Variants in COPG2 observed in about 807,000 individuals in gnomAD.
COPG2 encodes coatomer subunit gamma-2.
In COPG2, 37 loss-of-function variants were observed where a neutral mutation model predicts 46.3. The ratio of observed to expected loss-of-function variants is 0.80; its 90% confidence interval spans 0.61 to 1.05. The LOEUF (loss-of-function observed/expected upper bound fraction) is 1.05. Among genes scored for constraint, COPG2 ranks in the 50% least tolerant of loss-of-function variants. The pLI is 0.00. For missense variants in COPG2, 427 were observed against 387.8 expected, an observed-to-expected ratio of 1.10 and a Z score of -0.85; for synonymous variants, 159 against 129.7, an observed-to-expected ratio of 1.23 and a Z score of -1.53.
intron 5 of COPG2, among the ~76,000 whole-genome samples, chr7:130,646,752 G>A (rs1056402134): frequency 6.6e-6 from 1 of 151,708 alleles, no homozygotes; most frequent in Non-Finnish European, 1.5e-5. Context: ...ATAAATGGCA[G>A]TTTTTGCTGT....
chr7:130,663,015 T>C lies in COPG2; in HGVS notation c.195A>G (p.Glu65=), dbSNP rs1554460980. The part of the protein sequence containing the change: ...LNQGEHFGTT[E]ATEAFFAMTR... ...TCATTGCAAAGAAGGCTTCTGTAGC[T>C]TCCGTTGTTCCAAAGTGTTCACCCT... The change falls in exon 4 of 24, where the codon GAA becomes GAG. Residue 65 remains glutamate, a synonymous_variant. Coordinates refer to ENST00000425248, the MANE Select transcript of COPG2 (RefSeq NM_012133.6). 1.3e-6 allele frequency: 2 copies of C among 1,546,646 alleles called. No homozygotes were observed. Among genetic ancestry groups the C allele is most frequent in the Non-Finnish European group, 1.7e-6 (2 of 1,147,970 alleles).
At chr7:130,658,375 G>A (rs1795898221) in intron 4 of COPG2, among the ~76,000 whole-genome samples, 1 of 152,114 alleles carries the variant, frequency 6.6e-6, no homozygotes, top group African/African-American at 2.4e-5. Context: ...ATTGCCAGGG[G>A]CTGAGGGAGG....
At chr7:130,518,960 G>A (rs1266295679) in intron 20 of COPG2, among the ~76,000 whole-genome samples, 2 of 148,248 alleles carry the variant, frequency 1.3e-5, no homozygotes, top group African/African-American at 5.0e-5. Context: ...GAGCCGAGAT[G>A]GCACCACTGC....
At chr7:130,591,261 G>A (rs868932319) in intron 9 of COPG2, among the ~76,000 whole-genome samples, 1 of 127,952 alleles carries the variant, frequency 7.8e-6, no homozygotes, top group African/African-American at 3.0e-5. Context: ...CCGTCCGGGA[G>A]GGAGGTGGGG....
intron 9 of COPG2, among the ~76,000 whole-genome samples, chr7:130,601,052 T>C (rs1276722226): frequency 3.3e-5 from 5 of 152,198 alleles, no homozygotes; most frequent in Non-Finnish European, 5.9e-5. Flanking sequence ...TGTGAGAACA[T>C]TCAGGCAGGA....
At position 130,508,671 on chromosome 7, in the gene COPG2, G is replaced by C; in HGVS notation, c.2150-12C>G. The C allele has an allele frequency of 1.3e-6, 1 of 749,294 alleles. No homozygotes were observed. Among genetic ancestry groups the C allele is most frequent in the Non-Finnish European group, 2.5e-6 (1 of 401,848 alleles). The allele number at this position is 749,294 out of a possible 1,614,324, so 46.4% of individuals were successfully genotyped here. A position where few individuals can be genotyped will look rare whatever the true frequency, so the allele number is the denominator to read the frequency against. ...AAAGGAGCCTGCAACTGGAGGAGAA[G>C]GGAGGCAAACCTGCATCAGTGGGGA... On this transcript the variant is annotated splice_polypyrimidine_tract_variant and intron_variant, in intron 20 of 23. Coordinates refer to ENST00000425248, the MANE Select transcript of COPG2 (RefSeq NM_012133.6).
At chr7:130,609,182 C>T (rs1397367243) in intron 9 of COPG2, among the ~76,000 whole-genome samples, 1 of 152,074 alleles carries the variant, frequency 6.6e-6, no homozygotes, top group Non-Finnish European at 1.5e-5. Context: ...CACCCAGCCC[C>T]TTTCATTCAT....
At chr7:130,528,104 G>A (rs1171231697) in intron 20 of COPG2, among the ~76,000 whole-genome samples, 8 of 152,040 alleles carry the variant, frequency 5.3e-5, no homozygotes, top group Admixed American at 5.2e-4. Context: ...GGACTGACAG[G>A]AGGACCCAGG....
At chr7:130,614,350 T>C (rs1794909673) in intron 6 of COPG2, among the ~76,000 whole-genome samples, 1 of 152,164 alleles carries the variant, frequency 6.6e-6, no homozygotes, top group South Asian at 2.1e-4. Context: ...CACCAAAAAA[T>C]ATTAAAGCAT....
At chr7:130,574,409 T>C (rs1448294202) in intron 9 of COPG2, among the ~76,000 whole-genome samples, 3 of 152,074 alleles carry the variant, frequency 2.0e-5, no homozygotes, top group East Asian at 1.9e-4. Flanking sequence ...TGGAGCTGGG[T>C]AGACTTGCTG....
At chr7:130,606,302 AAAG>A (rs1401386808) in intron 9 of COPG2, among the ~76,000 whole-genome samples, 3 of 151,840 alleles carry the variant, frequency 2.0e-5, no homozygotes, top group Non-Finnish European at 4.4e-5. Flanking sequence ...GAGAGAAAGA[AAAG>A]AAAGAAAGAG....
At chr7:130,524,582 G>GCTGCAGTAAAGGAGGCATGCC (rs1799756631) in intron 20 of COPG2, among the ~76,000 whole-genome samples, 1 of 152,122 alleles carries the variant, frequency 6.6e-6, no homozygotes, top group Admixed American at 6.5e-5. Flanking sequence ...GGAGGGATGC[G>GCTGCAGTAAAGGAGGCATGCC]CTGCAGTAAA....
At position 130,564,397 on chromosome 7, in the gene COPG2, C is replaced by T. The variant is rs1001088079; in HGVS notation, c.738-4G>A. ...ATCAAACAGTGGACTTTCATGGCTG[C>T]CAATAAATATTTATAGGCCATTATT... On this transcript the variant is annotated splice_polypyrimidine_tract_variant and splice_region_variant and intron_variant, in intron 9 of 23. Coordinates refer to ENST00000425248, the MANE Select transcript of COPG2 (RefSeq NM_012133.6). The T allele has an allele frequency of 1.8e-5, 7 of 398,416 alleles. No individual in the cohort carries two copies. The highest frequency in any genetic ancestry group is 6.3e-4 in the Middle Eastern group (1 of 1,586). The allele number at this position is 398,416 out of a possible 1,614,324, so 24.7% of individuals were successfully genotyped here.
At chr7:130,635,669 G>T (rs534278114) in intron 5 of COPG2, among the ~76,000 whole-genome samples, 4 of 152,104 alleles carry the variant, frequency 2.6e-5, no homozygotes, top group Non-Finnish European at 5.9e-5. Context: ...TGGATTCATT[G>T]ATTTTTTGAA....
At chr7:130,523,992 G>A (rs1025117777) in intron 20 of COPG2, among the ~76,000 whole-genome samples, 3 of 152,194 alleles carry the variant, frequency 2.0e-5, no homozygotes, top group East Asian at 1.9e-4. Context: ...AGGTGGAGGC[G>A]GGACAGGAGT....
intron 9 of COPG2, among the ~76,000 whole-genome samples, chr7:130,592,224 G>A (rs1425186888): frequency 3.3e-5 from 5 of 152,038 alleles, no homozygotes; most frequent in African/African-American, 9.6e-5. Context: ...AAGAGTCATC[G>A]CCACTCCCTA....
chr7:130,586,517 C>A (rs1313354870), intron 9 of COPG2, among the ~76,000 whole-genome samples: 3 of 152,028 alleles, frequency 2.0e-5, no homozygotes, highest in Non-Finnish European at 2.9e-5. Context: ...GGCAGGAATG[C>A]AGTGGCGCTA....
intron 9 of COPG2, among the ~76,000 whole-genome samples, chr7:130,591,749 G>C (rs1242468097): frequency 6.9e-6 from 1 of 144,208 alleles, no homozygotes; most frequent in Non-Finnish European, 1.5e-5. Context: ...CCCCCCGCCC[G>C]GCCAGCCACC....
At chr7:130,591,991 G>A (rs868934678) in intron 9 of COPG2, among the ~76,000 whole-genome samples, 1 of 152,234 alleles carries the variant, frequency 6.6e-6, no homozygotes, top group African/African-American at 2.4e-5. Context: ...TTGAGAAATC[G>A]GATGGTTGCC....
Sources: allele counts gnomAD v4.1 joint callset (sites outside exome capture counted in the v4.1 genomes callset), GRCh38; gene constraint gnomAD v4.1.1; transcripts MANE v1.5; gene names NCBI Gene and HGNC (gene_info 2026-07-23, HGNC 2026-07-21).